Variants in CILP2 observed in about 807,000 individuals in gnomAD.
CILP2 encodes cartilage intermediate layer protein 2, also known as CILP-2.
In CILP2, 38 loss-of-function variants were observed where a neutral mutation model predicts 45.6. That is an observed-to-expected ratio of 0.83 (90% CI 0.64 to 1.09). The LOEUF (loss-of-function observed/expected upper bound fraction) is 1.09. Ranked by LOEUF, CILP2 falls within the 50% of genes least tolerant of loss-of-function variation. The probability of loss-of-function intolerance (pLI) is 0.00; values close to 1 mark genes in which losing one functional copy is unlikely to be tolerated. For missense variants in CILP2, 1,735 were observed against 1,662.2 expected (o/e 1.04, Z -0.76); for synonymous variants, 780 against 723.5 (o/e 1.08, Z -1.25).
In CILP2 at chr19:19,544,715, C is replaced by T. The variant is rs777284567; in HGVS notation, c.2170C>T (p.Arg724Trp). The T allele has an allele frequency of 1.3e-6, 2 of 1,593,062 alleles. No homozygotes were observed. Among genetic ancestry groups the T allele is most frequent in the East Asian group, 4.5e-5 (2 of 44,598 alleles). The change falls in exon 8 of 8, where the codon CGG becomes TGG. Residue 724 changes from arginine to tryptophan, a missense_variant. Physicochemically the swap from Arg to Trp is moderately radical, Grantham distance 101. Transcript: ENST00000291495. ...FLVGNVEIRERRLFNLDVPER... is the reference protein window; with the variant it reads ...FLVGNVEIREWRLFNLDVPER... The stretch of plus-strand genomic sequence containing the variant: ...GGTGGGCAACGTGGAGATCCGGGAG[C>T]GGCGCCTGTTCAATCTGGACGTGCC...
chr19:19,539,823 G>A (rs767996747), intron 2 of CILP2, 46 bp downstream of exon 2: 13 of 1,477,824 alleles, frequency 8.8e-6, no homozygotes, highest in South Asian at 3.9e-5. Context: ...CGGGCTTGTT[G>A]GGGGTGGGGC....
At position 19,544,200 on chromosome 19, in the gene CILP2, A is replaced by C; in HGVS notation, c.1655A>C (p.Lys552Thr). The change falls in exon 8 of 8, where the codon AAG becomes ACG. Residue 552 changes from lysine to threonine, a missense_variant. Transcript: ENST00000291495. ...GGTGCCGGCGTGTACCACGAGGTCA[A>C]GGCCATGCGGAAGAAAGCCCCGGTC... is the stretch of plus-strand genomic sequence containing the variant. ...PRGAGVYHEV[K>T]AMRKKAPVIL... 1 of 1,613,932 alleles carries C rather than the reference A, an allele frequency of 6.2e-7. No individual in the cohort carries two copies.
rs747214146 is a variant in CILP2 at position 19,544,207 on chromosome 19, G to T, written c.1662G>T (p.Met554Ile). The change falls in exon 8 of 8, where the codon ATG becomes ATT. Residue 554 changes from methionine to isoleucine, a missense_variant. Met to Ile is a conservative substitution (Grantham distance 10). Transcript: ENST00000291495. ...GCGTGTACCACGAGGTCAAGGCCAT[G>T]CGGAAGAAAGCCCCGGTCATTTTAC... ...GAGVYHEVKA[M>I]RKKAPVILHT... The T allele has an allele frequency of 8.1e-6, 13 of 1,613,972 alleles. No individual in the cohort carries two copies. In the South Asian group the frequency reaches 1.4e-4, roughly 18 times the overall value.
Position 19,539,868 on chromosome 19 carries a change from C to T in CILP2, c.163+91C>T, listed in dbSNP as rs190811117. 292 of 1,067,174 alleles carry T rather than the reference C, an allele frequency of 2.7e-4. 3 individuals are homozygous for T. The Admixed American group carries it at 8.1e-3, about 30-fold the overall frequency. 66.1% of individuals were successfully genotyped at this position (1,067,174 alleles called of 1,614,324 possible). A position where few individuals can be genotyped will look rare whatever the true frequency, so the allele number is the denominator to read the frequency against. On this transcript the variant is annotated intron_variant, in intron 2 of 7. Coordinates refer to ENST00000291495, the MANE Select transcript of CILP2 (RefSeq NM_153221.2). ...TGGGGTCGTGTGAGGAGAGGGCACA[C>T]ACTAGACGAAGGGCCCGGCGCCGTC...
intron 1 of CILP2, among the ~76,000 whole-genome samples, chr19:19,538,793 G>T (rs1435079373): frequency 6.6e-6 from 1 of 152,244 alleles, no homozygotes; most frequent in East Asian, 1.9e-4. Context: ...TGGGGCGGGG[G>T]ACGGGCCCAC....
rs1220300870 is a variant in CILP2, at chr19:19,542,469, C to T, written c.687C>T (p.Ser229=). The part of the protein sequence containing the change: ...SGQPLLGARV[S]LRDQPGTVAT... ...AACCACTGCTAGGAGCCAGGGTCTCCCTGCGAGACCAGCCTGGCACTGTGG... is the reference window on the plus strand; with the variant it reads ...AACCACTGCTAGGAGCCAGGGTCTCTCTGCGAGACCAGCCTGGCACTGTGG... Residue 229 remains serine, a synonymous_variant, in exon 5 of 8, where the codon TCC becomes TCT. Transcript: ENST00000291495. 9 of 1,613,372 alleles carry T rather than the reference C, an allele frequency of 5.6e-6. No homozygotes were observed. Among genetic ancestry groups the T allele is most frequent in the Non-Finnish European group, 7.6e-6 (9 of 1,180,024 alleles).
chr19:19,540,616 T>C, intron 3 of CILP2, 140 bp downstream of exon 3: 1 of 1,002,718 alleles, frequency 1.0e-6, no homozygotes, highest in East Asian at 3.2e-5. Context: ...GGGGGACCCT[T>C]AGGCGTAGGA....
At position 19,538,332 on chromosome 19, in the gene CILP2, G is replaced by A. The variant is rs369181527; in HGVS notation, c.-18G>A. 7.2e-5 allele frequency: 113 copies of A among 1,574,232 alleles called. No individual in the cohort carries two copies. In the African/African-American group the frequency reaches 9.1e-4, roughly 13 times the overall value. On this transcript the variant is annotated 5_prime_UTR_variant, in exon 1 of 8. Transcript: ENST00000291495. ...CGCCGCGGAGCCCGGACCCTCCCTC[G>A]GACGCTCTGCCCCGGCCATGGCGTC...
Position 19,541,085 on chromosome 19 carries a change from C to T in CILP2, c.437-6C>T, listed in dbSNP as rs969816431. The T allele has an allele frequency of 1.6e-6, 2 of 1,261,058 alleles. No homozygotes were observed. Among genetic ancestry groups the T allele is most frequent in the Non-Finnish European group, 2.0e-6 (2 of 1,002,864 alleles). 78.1% of individuals were successfully genotyped at this position (1,261,058 alleles called of 1,614,324 possible). ...GCCACCTGATCTCCGTCCCTGCCTT[C>T]CGCAGAAGCCTCGTGGGGCGCGTGG... is the stretch of plus-strand genomic sequence containing the variant. On this transcript the variant is annotated splice_region_variant and splice_polypyrimidine_tract_variant and intron_variant, in intron 3 of 7. Transcript: ENST00000291495.
Position 19,544,939 on chromosome 19 carries a change from CGCCGACAG to C in CILP2, c.2398_2405del (p.Asp800ArgfsTer55), listed in dbSNP as rs2061258373. On this transcript the variant is annotated frameshift_variant, in exon 8 of 8. Transcript: ENST00000291495. LOFTEE classifies it low-confidence loss of function (END_TRUNC). ...GCGCCTGCCTCCCCGCCTTCTGCGA[CGCCGACAG>C]GCCAGACGCCTACACCGCCCTGGTC... The C allele has an allele frequency of 1.3e-6, 2 of 1,593,014 alleles. No individual in the cohort carries two copies. The highest frequency in any genetic ancestry group is 1.7e-6 in the Non-Finnish European group (2 of 1,176,810).
chr19:19,538,496 G>A, intron 1 of CILP2, 83 bp downstream of exon 1: 2 of 1,160,412 alleles, frequency 1.7e-6, no homozygotes, highest in African/African-American at 3.2e-5. Flanking sequence ...CGCACTCGGG[G>A]AGAGAACCCA....
Position 19,542,402 on chromosome 19 carries a change from C to G in CILP2, c.620C>G (p.Pro207Arg). 3.1e-6 allele frequency: 5 copies of G among 1,612,114 alleles called. No homozygotes were observed. The highest frequency in any genetic ancestry group is 4.2e-6 in the Non-Finnish European group (5 of 1,179,796). The stretch of plus-strand genomic sequence containing the variant: ...TGCAGCCTTGACACCTGTGAATGCC[C>G]GGACCACATCCTCCTGGGCTCGGTG... ...PGCSLDTCEC[P>R]DHILLGSVVT... The change falls in exon 5 of 8, where the codon CCG (proline) becomes CGG (arginine). Residue 207 changes from proline to arginine, a missense_variant. By Grantham distance (103) the Pro-to-Arg change is moderately radical. Coordinates refer to ENST00000291495, the MANE Select transcript of CILP2 (RefSeq NM_153221.2).
Position 19,538,419 on chromosome 19 carries a change from G to C in CILP2, c.64+6G>C. 6.5e-7 allele frequency: 1 copy of C among 1,538,556 alleles called. No individual in the cohort carries two copies. The highest frequency in any genetic ancestry group is 1.2e-5 in the South Asian group (1 of 84,838). On this transcript the variant is annotated splice_donor_region_variant and intron_variant, in intron 1 of 7. Transcript: ENST00000291495. ...GCACCTGGCGGGGGCCCGAGGTGAG[G>C]CGCCTCCAGCCCCCGCGCCCAGCCC... is the stretch of plus-strand genomic sequence containing the variant.
Position 19,545,387 on chromosome 19 carries a change from C to T in CILP2, c.2842C>T (p.Pro948Ser). ...CTTCCTCAAGGTGAAGATCCAGGGT[C>T]CCCAGGAGTATATGGTCCGCTCCCA... is the stretch of plus-strand genomic sequence containing the variant. ...ACFLKVKIQG[P>S]QEYMVRSHNA... is the part of the protein sequence containing the mutation. Residue 948 changes from proline to serine, a missense_variant, in exon 8 of 8, where the codon CCC becomes TCC. By Grantham distance (74) the Pro-to-Ser change is moderately conservative. Coordinates refer to ENST00000291495, the MANE Select transcript of CILP2 (RefSeq NM_153221.2). 3 of 1,612,656 alleles carry T rather than the reference C, an allele frequency of 1.9e-6. No homozygotes were observed. The South Asian group carries it at 3.3e-5, about 18-fold the overall frequency.
chr19:19,543,717 A>G lies in CILP2; in HGVS notation c.1172A>G (p.Glu391Gly), dbSNP rs749052377. The G allele has an allele frequency of 5.0e-6, 8 of 1,604,674 alleles. No individual in the cohort carries two copies. Among genetic ancestry groups the G allele is most frequent in the Non-Finnish European group, 1.7e-6 (2 of 1,173,700 alleles). The change falls in exon 8 of 8, where the codon GAG becomes GGG. Residue 391 changes from glutamate to glycine, a missense_variant. Transcript: ENST00000291495. Reference protein sequence around the residue: ...GQPACDPRPREYLIKLPEDCG... With the variant: ...GQPACDPRPRGYLIKLPEDCG... ...CCAGCCTGCGACCCCCGGCCCCGAG[A>G]GTACCTGATCAAGCTCCCTGAGGAC...
At chr19:19,543,646 C>G in intron 7 of CILP2, 35 bp from the exon 8 acceptor site, 1 of 1,562,034 alleles carries the variant, frequency 6.4e-7, no homozygotes, top group Non-Finnish European at 8.7e-7. Flanking sequence ...AAGTCCTCCT[C>G]CCTGCCCTGA....
rs1292007287 is a variant in CILP2 at position 19,545,663 on chromosome 19, G to T, written c.3118G>T (p.Ala1040Ser). Residue 1040 changes from alanine (A) to serine (S), a missense_variant, in exon 8 of 8, where the codon GCG (alanine) becomes TCG (serine). Transcript: ENST00000291495. ...YLTRHPPPVPAEDPAAFSMLA... is the reference protein window; with the variant it reads ...YLTRHPPPVPSEDPAAFSMLA... ...GACCCGGCACCCCCCACCGGTGCCC[G>T]CGGAGGACCCAGCTGCCTTCTCCAT... The T allele has an allele frequency of 6.2e-7, 1 of 1,609,872 alleles. No individual in the cohort carries two copies. Among genetic ancestry groups the T allele is most frequent in the Non-Finnish European group, 8.5e-7 (1 of 1,178,298 alleles).
chr19:19,545,948 G>C lies in CILP2; in HGVS notation c.3403G>C (p.Glu1135Gln). The C allele has an allele frequency of 6.4e-7, 1 of 1,560,082 alleles. No homozygotes were observed. The highest frequency in any genetic ancestry group is 8.7e-7 in the Non-Finnish European group (1 of 1,148,102). ...ALGDIRREMS[E>Q]AAQAQARASG... Reference sequence around the variant, plus strand: ...TGGTGACATCCGCAGGGAGATGAGCGAGGCGGCGCAGGCACAGGCCCGGGC... The same window carrying C: ...TGGTGACATCCGCAGGGAGATGAGCCAGGCGGCGCAGGCACAGGCCCGGGC... The change falls in exon 8 of 8, where the codon GAG becomes CAG. Residue 1135 changes from glutamate (E) to glutamine (Q), a missense_variant. Glu to Gln is a conservative substitution (Grantham distance 29). Transcript: ENST00000291495.
chr19:19,545,991 C>T lies in CILP2; in HGVS notation c.3446C>T (p.Thr1149Ile). The change falls in exon 8 of 8, where the codon ACC becomes ATC. Residue 1149 changes from threonine (T) to isoleucine (I), a missense_variant. Coordinates refer to ENST00000291495, the MANE Select transcript of CILP2 (RefSeq NM_153221.2). ...AQARASGPLR[T>I]RRGRVRQ ...GCCCGGGCCTCAGGTCCCCTCCGCA[C>T]CCGCCGGGGTAGGGTCCGGCAGTGA... The T allele has an allele frequency of 6.6e-7, 1 of 1,505,306 alleles. No homozygotes were observed. Among genetic ancestry groups the T allele is most frequent in the Non-Finnish European group, 8.9e-7 (1 of 1,126,642 alleles). 93.2% of individuals were successfully genotyped at this position (1,505,306 alleles called of 1,614,324 possible).
Sources: allele counts gnomAD v4.1 joint callset (sites outside exome capture counted in the v4.1 genomes callset), GRCh38; gene constraint gnomAD v4.1.1; transcripts MANE v1.5; gene names NCBI Gene and HGNC (gene_info 2026-07-23, HGNC 2026-07-21).